The following NCKAP5 variants were observed in gnomAD, a reference collection of about 807,000 sequenced individuals.
NCKAP5 encodes NCK associated protein 5.
In NCKAP5, 92 loss-of-function variants were observed where a neutral mutation model predicts 167.0. The ratio of observed to expected loss-of-function variants is 0.55; its 90% CI spans 0.47 to 0.66. The LOEUF (loss-of-function observed/expected upper bound fraction) is 0.66, where lower values mean the gene tolerates loss of function less well. Ranked by LOEUF, NCKAP5 falls within the 30% of genes least tolerant of loss-of-function variation. The pLI is 0.00. For synonymous variants in NCKAP5, 891 were observed against 877.4 expected (o/e 1.02, Z -0.27); for missense variants, 2,378 against 2,315.0 (o/e 1.03, Z -0.56).
In NCKAP5 at chr2:132,784,212, T is replaced by G. The variant is rs573898017; in HGVS notation, c.2599A>C (p.Lys867Gln). The change falls in exon 14 of 20, where the codon AAA (lysine) becomes CAA (glutamine). Residue 867 changes from lysine (K) to glutamine (Q), a missense_variant. Coordinates refer to ENST00000409261, the MANE Select transcript of NCKAP5 (RefSeq NM_207363.3). Reference sequence around the variant, plus strand: ...CTGTGCGGAAGTTGGGCGGAATGTTTTGGAATGTGTGGATCTGATCGTAAT... The same window carrying G: ...CTGTGCGGAAGTTGGGCGGAATGTTGTGGAATGTGTGGATCTGATCGTAAT... ...FELRSDPHIP[K>Q]HSAQLPHSSR... 1 of 1,579,070 alleles carries G rather than the reference T, an allele frequency of 6.3e-7. No individual in the cohort carries two copies. Among genetic ancestry groups the G allele is most frequent in the Non-Finnish European group, 8.6e-7 (1 of 1,164,714 alleles).
chr2:132,744,332 G>A (rs1679461173), intron 16 of NCKAP5, among the ~76,000 whole-genome samples: 1 of 151,638 alleles, frequency 6.6e-6, no homozygotes. Context: ...TATGTTCTCT[G>A]AGCATCAGAG....
chr2:132,933,900 C>T lies in NCKAP5; in HGVS notation c.579+29820G>A, dbSNP rs989730429. ...GCTCTAATTTAACTGGAGATGTTCA[C>T]TACACAATCCCCGAAGAGCAGGATA... On this transcript the variant is annotated intron_variant, in intron 8 of 19. Coordinates refer to ENST00000409261, the MANE Select transcript of NCKAP5 (RefSeq NM_207363.3). Among the ~76,000 whole-genome samples, 5 of 152,278 alleles carry T rather than the reference C, an allele frequency of 3.3e-5. No individual in the cohort carries two copies. The East Asian group carries it at 5.8e-4, about 18-fold the overall frequency.
chr2:133,571,129 T>C (rs373875019), upstream of NCKAP5, among the ~76,000 whole-genome samples: 1 of 152,174 alleles, frequency 6.6e-6, no homozygotes, highest in African/African-American at 2.4e-5. Flanking sequence ...TCTTACTTCA[T>C]AGTGAGAAGA....
At chr2:132,909,251 CAGG>C (rs1259635382) in intron 8 of NCKAP5, among the ~76,000 whole-genome samples, 1 of 152,086 alleles carries the variant, frequency 6.6e-6, no homozygotes, top group Non-Finnish European at 1.5e-5. Context: ...GAGGCTGAGG[CAGG>C]AGAATTGCTT....
At chr2:133,647,927 A>G in the NCKAP5 span, among the ~76,000 whole-genome samples, 1 of 152,164 alleles carries the variant, frequency 6.6e-6, no homozygotes, top group Non-Finnish European at 1.5e-5. Flanking sequence ...TAGACACCCC[A>G]ATCAAAAGAT....
intron 2 of NCKAP5, among the ~76,000 whole-genome samples, chr2:133,545,729 T>C (rs778273396): frequency 4.6e-5 from 7 of 152,182 alleles, no homozygotes; most frequent in African/African-American, 7.2e-5. Context: ...TGTGAGAATT[T>C]CGTACCTTAC....
At chr2:133,279,165 C>T (rs554903230) in intron 4 of NCKAP5, among the ~76,000 whole-genome samples, 38 of 152,258 alleles carry the variant, frequency 2.5e-4, no homozygotes, top group Non-Finnish European at 3.7e-4. Flanking sequence ...TGGAGTTAAC[C>T]CTGAAAGTGT....
rs968692074 is a variant in NCKAP5 at position 133,506,519 on chromosome 2, C to G, written c.69+10939G>C. On this transcript the variant is annotated intron_variant, in intron 3 of 19. Transcript: ENST00000409261. ...GTGGAGGCACCAACAGGGGACAAGA[C>G]AGTGTGAGGAGAATGAAGTGGGAGT... Among the ~76,000 whole-genome samples, 14 of 152,182 alleles carry G rather than the reference C, an allele frequency of 9.2e-5. 1 individual carries two copies.
chr2:133,091,078 C>G (rs1320461494), intron 6 of NCKAP5, among the ~76,000 whole-genome samples: 1 of 152,150 alleles, frequency 6.6e-6, no homozygotes, highest in Non-Finnish European at 1.5e-5. Context: ...TGCTCTCTTC[C>G]TCCTGCTCTG....
intron 8 of NCKAP5, among the ~76,000 whole-genome samples, chr2:132,944,858 G>T (rs950323172): frequency 6.6e-6 from 1 of 152,156 alleles, no homozygotes; most frequent in Non-Finnish European, 1.5e-5. Context: ...AGAAGTCACT[G>T]CTTTCCTGGA....
At chr2:133,189,464 T>G (rs2085108265) in intron 5 of NCKAP5, among the ~76,000 whole-genome samples, 1 of 152,116 alleles carries the variant, frequency 6.6e-6, no homozygotes, top group African/African-American at 2.4e-5. Flanking sequence ...CACCAAAGCC[T>G]GGCAGAGACA....
chr2:133,510,206 C>T (rs1683365359), intron 3 of NCKAP5, among the ~76,000 whole-genome samples: 1 of 152,162 alleles, frequency 6.6e-6, no homozygotes, highest in Non-Finnish European at 1.5e-5. Flanking sequence ...AGGACCATCA[C>T]TCAAGTCATA....
At chr2:132,813,460 T>A (rs2105279275) in intron 11 of NCKAP5, among the ~76,000 whole-genome samples, 1 of 152,302 alleles carries the variant, frequency 6.6e-6, no homozygotes, top group Middle Eastern at 3.4e-3. Flanking sequence ...ACACAGCTTT[T>A]ATGCCTTCTC....
chr2:133,083,822 T>C (rs2080892487), intron 6 of NCKAP5, among the ~76,000 whole-genome samples: 1 of 152,220 alleles, frequency 6.6e-6, no homozygotes. Flanking sequence ...TCAGGATTTG[T>C]GCTAAGTGCT....
chr2:133,120,411 T>A (rs768435989), intron 6 of NCKAP5, among the ~76,000 whole-genome samples: 1 of 152,184 alleles, frequency 6.6e-6, no homozygotes, highest in Non-Finnish European at 1.5e-5. Context: ...CTTAGACTTA[T>A]ACTATGTGGG....
At chr2:132,984,246 T>C (rs2077222237) in intron 7 of NCKAP5, among the ~76,000 whole-genome samples, 1 of 152,170 alleles carries the variant, frequency 6.6e-6, no homozygotes, top group African/African-American at 2.4e-5. Context: ...AGGCCCAGTC[T>C]CAGCTGCCGG....
At chr2:132,926,417 T>C (rs1003886118) in intron 8 of NCKAP5, among the ~76,000 whole-genome samples, 3 of 152,194 alleles carry the variant, frequency 2.0e-5, no homozygotes, top group Non-Finnish European at 4.4e-5. Flanking sequence ...CAAATGGTAG[T>C]TCTACTTTTA....
chr2:133,433,778 T>C (rs1355695403), intron 3 of NCKAP5: 2 of 152,188 alleles, frequency 1.3e-5, no homozygotes, highest in Non-Finnish European at 1.5e-5. Context: ...AACCTTTCAG[T>C]GAATGGCAGA....
intron 5 of NCKAP5, among the ~76,000 whole-genome samples, chr2:133,174,668 A>G (rs1460358706): frequency 6.7e-6 from 1 of 149,482 alleles, no homozygotes; most frequent in Non-Finnish European, 1.5e-5. Context: ...GCATTTCCCT[A>G]TTCTCAGGCA....
Sources: gnomAD v4.1 joint callset for allele counts (sites outside exome capture counted in the v4.1 genomes callset) on GRCh38, gnomAD v4.1.1 for gene constraint, MANE v1.5 for transcripts, NCBI Gene and HGNC (gene_info 2026-07-23, HGNC 2026-07-21) for gene names.